The following SLC26A3 variants were observed in gnomAD, a reference collection of about 807,000 sequenced individuals.
The protein encoded by SLC26A3 is solute carrier family 26 member 3.
A neutral mutation model predicts 85.6 loss-of-function variants in SLC26A3; 64 were observed. The ratio of observed to expected loss-of-function variants is 0.75; its 90% CI spans 0.61 to 0.92. The LOEUF (loss-of-function observed/expected upper bound fraction) is 0.92. SLC26A3 is among the 40% of genes least tolerant of loss of function. The pLI is 0.00. For missense variants in SLC26A3, 922 were observed against 927.3 expected, an observed-to-expected ratio of 0.99 and a Z score of 0.07; for synonymous variants, 349 against 336.0, an observed-to-expected ratio of 1.04 and a Z score of -0.42.
intron 1 of SLC26A3, among the ~76,000 whole-genome samples, chr7:107,799,964 T>C (rs1441749130): frequency 6.6e-6 from 1 of 152,228 alleles, no homozygotes; most frequent in Admixed American, 6.5e-5. Flanking sequence ...TCCATTTTTA[T>C]CCCAGTTTGT....
chr7:107,799,192 C>T (rs1213302955), intron 1 of SLC26A3, among the ~76,000 whole-genome samples: 1 of 152,102 alleles, frequency 6.6e-6, no homozygotes, highest in African/African-American at 2.4e-5. Flanking sequence ...ATTGTTACTA[C>T]TATTTTTCAT....
chr7:107,801,857 A>T (rs1794602633), intron 1 of SLC26A3, among the ~76,000 whole-genome samples: 1 of 150,822 alleles, frequency 6.6e-6, no homozygotes, highest in Non-Finnish European at 1.5e-5. Flanking sequence ...AGGTGGGAGG[A>T]TCACCTGAGG....
intron 17 of SLC26A3, 132 bp downstream of exon 17, chr7:107,773,788 T>C: frequency 1.3e-6 from 1 of 748,152 alleles, no homozygotes; most frequent in Non-Finnish European, 2.3e-6. Flanking sequence ...TGACCTCAGG[T>C]GATCCACCCA....
chr7:107,776,151 A>G, intron 15 of SLC26A3: 1 of 421,782 alleles, frequency 2.4e-6, no homozygotes, highest in Non-Finnish European at 4.4e-6. Flanking sequence ...AATCTGTAGG[A>G]TGACATCTAC....
chr7:107,787,549 A>G (rs765270719), intron 6 of SLC26A3, 40 bp from the exon 7 acceptor site: 1 of 1,566,654 alleles, frequency 6.4e-7, no homozygotes. Context: ...GCCCTATATT[A>G]ATGCACAATT....
chr7:107,776,915 A>G (rs1224675707), intron 13 of SLC26A3, among the ~76,000 whole-genome samples: 2 of 152,162 alleles, frequency 1.3e-5, no homozygotes, highest in South Asian at 4.1e-4. Context: ...AGTGCCTCCC[A>G]TTTGTCATGT....
chr7:107,767,663 A>T lies in SLC26A3; in HGVS notation c.2206-19T>A. 1 of 1,606,732 alleles carries T rather than the reference A, an allele frequency of 6.2e-7. No homozygotes were observed. Among genetic ancestry groups the T allele is most frequent in the Non-Finnish European group, 8.5e-7 (1 of 1,173,564 alleles). On this transcript the variant is annotated intron_variant, in intron 19 of 20. Transcript: ENST00000340010. ...CTTTTTCCTGAGAAAAAGAGAATGG[A>T]AATATGGATTAGGGGCTGATTTTTT...
rs541536643 is a variant in SLC26A3 at position 107,789,113 on chromosome 7, C to A, written c.735+411G>T. ...CTTTACTTTCTTTTTCTTTTCTTTT[C>A]TTTTTCTTTTTTTTTTTTTTGAGAC... On this transcript the variant is annotated intron_variant, in intron 6 of 20. Transcript: ENST00000340010. 4.0e-5 allele frequency among the ~76,000 whole-genome samples: 5 copies of A among 124,866 alleles called. No homozygotes were observed. The South Asian group carries it at 1.4e-3, about 36-fold the overall frequency. 81.9% of individuals were successfully genotyped at this position (124,866 alleles called of 152,430 possible). A position where few individuals can be genotyped will look rare whatever the true frequency, so the allele number is the denominator to read the frequency against.
rs759075042 is a variant in SLC26A3 at position 107,774,042 on chromosome 7, T to C, written c.1885A>G (p.Ile629Val). 6.2e-7 allele frequency: 1 copy of C among 1,614,106 alleles called. No homozygotes were observed. Among genetic ancestry groups the C allele is most frequent in the Non-Finnish European group, 8.5e-7 (1 of 1,179,966 alleles). The change falls in exon 17 of 21, where the codon ATT (isoleucine) becomes GTT (valine). Residue 629 changes from isoleucine to valine, a missense_variant. Ile to Val is a conservative substitution (Grantham distance 29, BLOSUM62 3). Transcript: ENST00000340010. ...AGAGGAAGATCATCATTCCAGTCAA[T>C]GTGGAAAGGCAGGTCTGTGGTATTG... ...PINTTDLPFHIDWNDDLPLNI... is the reference protein window; with the variant it reads ...PINTTDLPFHVDWNDDLPLNI...
chr7:107,767,414 C>G (rs1342134328), intron 20 of SLC26A3, among the ~76,000 whole-genome samples, 165 bp downstream of exon 20: 1 of 152,174 alleles, frequency 6.6e-6, no homozygotes, highest in South Asian at 2.1e-4. Flanking sequence ...TTCCTGAAAA[C>G]TCCCTGTGAG....
intron 18 of SLC26A3, among the ~76,000 whole-genome samples, chr7:107,771,621 G>A (rs1157961967): frequency 6.6e-6 from 1 of 152,152 alleles, no homozygotes; most frequent in African/African-American, 2.4e-5. Context: ...GTAAGCTGCT[G>A]CAGAAGGACC....
intron 1 of SLC26A3, among the ~76,000 whole-genome samples, chr7:107,797,772 G>A (rs143613540): frequency 0.074 from 9,747 of 130,918 alleles, 564 homozygotes; most frequent in African/African-American, 0.17. Flanking sequence ...TTGCTCTGTC[G>A]CCCAGGCTGG....
chr7:107,785,311 A>C (rs1389676154), intron 8 of SLC26A3, among the ~76,000 whole-genome samples: 1 of 152,188 alleles, frequency 6.6e-6, no homozygotes. Context: ...GTCAGAATCA[A>C]ATCTCAGGTA....
In SLC26A3 at chr7:107,787,449, G is replaced by A. The variant is rs779693108; in HGVS notation, c.796C>T (p.Leu266=). The A allele has an allele frequency of 6.2e-7, 1 of 1,613,882 alleles. No homozygotes were observed. The highest frequency in any genetic ancestry group is 2.2e-5 in the East Asian group (1 of 44,866). Residue 266 remains leucine (L), a synonymous_variant, in exon 7 of 21, where the codon CTG becomes TTG. Transcript: ENST00000340010. ...ATGGATACAACCAAAAGGACAATCA[G>A]AGCTGTCACCAGGTCTGCAATATTA... is the stretch of plus-strand genomic sequence containing the variant. The part of the protein sequence containing the change: ...KTNIADLVTA[L]IVLLVVSIVK...
intron 1 of SLC26A3, among the ~76,000 whole-genome samples, chr7:107,796,016 C>T (rs994441316): frequency 1.3e-5 from 2 of 152,188 alleles, no homozygotes; most frequent in Middle Eastern, 3.4e-3. Context: ...TCACTTTTGA[C>T]CACAATATAC....
chr7:107,767,736 C>T (rs1483190694), intron 19 of SLC26A3, 30 bp downstream of exon 19: 6 of 1,613,206 alleles, frequency 3.7e-6, no homozygotes, highest in Non-Finnish European at 5.1e-6. Flanking sequence ...GCTGCTTATG[C>T]AATTGTGAAA....
intron 5 of SLC26A3, 67 bp downstream of exon 5, chr7:107,790,981 A>G: frequency 2.0e-6 from 3 of 1,532,280 alleles, no homozygotes; most frequent in Non-Finnish European, 1.8e-6. Context: ...GGGAGGAAAA[A>G]TAGAGAGATG....
chr7:107,787,444 A>G lies in SLC26A3; in HGVS notation c.801T>C (p.Ile267=). Residue 267 remains isoleucine, a synonymous_variant, in exon 7 of 21, where the codon ATT becomes ATC. Coordinates refer to ENST00000340010, the MANE Select transcript of SLC26A3 (RefSeq NM_000111.3). ...TAACAATGGATACAACCAAAAGGAC[A>G]ATCAGAGCTGTCACCAGGTCTGCAA... is the stretch of plus-strand genomic sequence containing the variant. The part of the protein sequence containing the change: ...TNIADLVTAL[I]VLLVVSIVKE... 6.2e-7 allele frequency: 1 copy of G among 1,613,878 alleles called. No individual in the cohort carries two copies. Among genetic ancestry groups the G allele is most frequent in the Non-Finnish European group, 8.5e-7 (1 of 1,179,784 alleles).
chr7:107,794,705 G>A (rs897060335), intron 1 of SLC26A3, 108 bp from the exon 2 acceptor site: 2 of 618,092 alleles, frequency 3.2e-6, no homozygotes, highest in Non-Finnish European at 5.8e-6. Context: ...GATCAAAAAA[G>A]GCAGGATTAA....
Sources: gnomAD v4.1 joint callset for allele counts (sites outside exome capture counted in the v4.1 genomes callset) on GRCh38, gnomAD v4.1.1 for gene constraint, MANE v1.5 for transcripts, NCBI Gene and HGNC (gene_info 2026-07-23, HGNC 2026-07-21) for gene names.